Variants in XKR3 observed in about 807,000 individuals in gnomAD.
XKR3 encodes the protein XK-related protein 3.
Under a neutral mutation model 40.3 loss-of-function variants are expected in XKR3, and 27 were observed. The observed-to-expected ratio is 0.67, with a 90% CI of 0.49 to 0.92. XKR3 has a LOEUF of 0.92. XKR3 is among the 40% of genes least tolerant of loss of function. The pLI, the probability that XKR3 is intolerant of heterozygous loss-of-function variation, is 0.00. For synonymous variants in XKR3, 193 were observed against 195.4 expected, an observed-to-expected ratio of 0.99 and a Z score of 0.10; for missense variants, 472 against 537.6, an observed-to-expected ratio of 0.88 and a Z score of 1.21.
chr22:16,808,023 T>C lies in XKR3; in HGVS notation c.51A>G (p.Ser17=). The C allele has an allele frequency of 6.2e-7, 1 of 1,613,376 alleles. No individual in the cohort carries two copies. Among genetic ancestry groups the C allele is most frequent in the South Asian group, 1.1e-5 (1 of 91,016 alleles). Residue 17 remains serine, a synonymous_variant, in exon 2 of 4, where the codon TCA becomes TCG. Coordinates refer to ENST00000684488, the MANE Select transcript of XKR3 (RefSeq NM_001386955.1). ...CAAGGACTATTTCTTCTTTCGAAGA[T>C]GAAACTCCTCCTGTGCTTTCTTCAT... ...EMDEESTGGV[S]SSKEEIVLGQ... is the part of the protein sequence containing the mutation.
At chr22:16,788,422 A>G (rs1445088230) in intron 3 of XKR3, among the ~76,000 whole-genome samples, 2 of 152,130 alleles carry the variant, frequency 1.3e-5, no homozygotes, top group Non-Finnish European at 1.5e-5. Flanking sequence ...ATATAATCAG[A>G]GACAAAAAAG....
chr22:16,809,638 T>A (rs2060204656), intron 1 of XKR3, among the ~76,000 whole-genome samples: 1 of 152,208 alleles, frequency 6.6e-6, no homozygotes, highest in South Asian at 2.1e-4. Context: ...TTGCCATTGA[T>A]AATATGCTCT....
Position 16,783,576 on chromosome 22 carries a change from C to T in XKR3, c.*43G>A. On this transcript the variant is annotated 3_prime_UTR_variant, in exon 4 of 4. Transcript: ENST00000684488. ...TAAGAGCCTCTTAACAAGTCACATT[C>T]AGCATCTTTACTCATTGTTCTGTGA... The T allele has an allele frequency of 6.9e-7, 1 of 1,440,144 alleles. No individual in the cohort carries two copies. 89.2% of individuals were successfully genotyped at this position (1,440,144 alleles called of 1,614,324 possible).
chr22:16,795,264 CA>C (rs1196664144), intron 3 of XKR3, among the ~76,000 whole-genome samples: 1 of 152,084 alleles, frequency 6.6e-6, no homozygotes, highest in African/African-American at 2.4e-5. Flanking sequence ...TCTCAAAATA[CA>C]AAAATACAGG....
intron 1 of XKR3, among the ~76,000 whole-genome samples, chr22:16,822,912 C>G (rs2060262465): frequency 6.6e-6 from 1 of 152,142 alleles, no homozygotes; most frequent in African/African-American, 2.4e-5. Context: ...AAGACATGAT[C>G]TGCCCTTGTC....
At chr22:16,791,584 G>T (rs2060115971) in intron 3 of XKR3, among the ~76,000 whole-genome samples, 1 of 151,642 alleles carries the variant, frequency 6.6e-6, no homozygotes, top group Non-Finnish European at 1.5e-5. Flanking sequence ...AAATGCATTT[G>T]TTAATTCTCT....
At chr22:16,807,687 T>C in intron 2 of XKR3, 52 bp downstream of exon 2, 2 of 1,420,536 alleles carry the variant, frequency 1.4e-6, no homozygotes, top group Middle Eastern at 2.2e-4. Flanking sequence ...CATCTATTTA[T>C]ATTCAATTTA....
intron 2 of XKR3, among the ~76,000 whole-genome samples, chr22:16,803,985 C>T (rs891849892): frequency 2.0e-5 from 3 of 152,156 alleles, no homozygotes; most frequent in African/African-American, 7.2e-5. Context: ...GGGTCTGGAT[C>T]AGGACCACTT....
In XKR3 at chr22:16,794,427, TA is replaced by T. The variant is rs575401006; in HGVS notation, c.589+5343del. Among the ~76,000 whole-genome samples the T allele has an allele frequency of 4.0e-3, 587 of 146,254 alleles. 1 individual carries two copies. Among genetic ancestry groups the T allele is most frequent in the Middle Eastern group, 0.014 (4 of 282 alleles). On this transcript the variant is annotated intron_variant, in intron 3 of 3. Transcript: ENST00000684488. ...GAGACTGGTGGCCTATTTTCAACAT[TA>T]AAAAAAAAAATCCAAGAATTTTATA...
At chr22:16,815,994 T>C (rs534340707) in intron 1 of XKR3, among the ~76,000 whole-genome samples, 12 of 152,100 alleles carry the variant, frequency 7.9e-5, no homozygotes, top group African/African-American at 2.9e-4. Context: ...TTCTGTCTTA[T>C]ACAATTGTAG....
chr22:16,789,366 G>A (rs1469107964), intron 3 of XKR3, among the ~76,000 whole-genome samples: 5 of 151,734 alleles, frequency 3.3e-5, no homozygotes, highest in Admixed American at 6.6e-5. Context: ...ATACTAATAC[G>A]AAAATGTCTA....
chr22:16,787,345 G>A (rs1477300279), intron 3 of XKR3, among the ~76,000 whole-genome samples: 1 of 152,034 alleles, frequency 6.6e-6, no homozygotes, highest in Non-Finnish European at 1.5e-5. Context: ...GATCACATGT[G>A]GTCAGGAGTT....
intron 1 of XKR3, among the ~76,000 whole-genome samples, chr22:16,817,840 G>A (rs1247063540): frequency 9.2e-5 from 14 of 151,962 alleles, no homozygotes; most frequent in Non-Finnish European, 2.1e-4. Context: ...CAGAGAACTA[G>A]AAACAAGTGC....
At chr22:16,793,255 G>T (rs1407757797) in intron 3 of XKR3, among the ~76,000 whole-genome samples, 19 of 152,144 alleles carry the variant, frequency 1.2e-4, no homozygotes, top group African/African-American at 1.4e-4. Flanking sequence ...CAGGTGATCT[G>T]TCCGCCTCGG....
At position 16,783,916 on chromosome 22, in the gene XKR3, T is replaced by C. The variant is rs1220827454; in HGVS notation, c.1083A>G (p.Val361=). 3.7e-6 allele frequency: 6 copies of C among 1,614,072 alleles called. No homozygotes were observed. The highest frequency in any genetic ancestry group is 1.7e-5 in the Admixed American group (1 of 60,006). Residue 361 remains valine (V), a synonymous_variant, in exon 4 of 4, where the codon GTA becomes GTG. Coordinates refer to ENST00000684488, the MANE Select transcript of XKR3 (RefSeq NM_001386955.1). ...QFLENVIMIL[V]FRFFGGKTLL... is the part of the protein sequence containing the mutation. ...AAGTTTTCCCTCCAAAGAACCTAAA[T>C]ACCAATATCATTATCACATTTTCTA...
chr22:16,804,733 A>G (rs1191578512), intron 2 of XKR3, among the ~76,000 whole-genome samples: 2 of 152,196 alleles, frequency 1.3e-5, no homozygotes, highest in Non-Finnish European at 2.9e-5. Context: ...AAATTTACCT[A>G]TAGCCTGGAG....
At chr22:16,796,612 AG>A (rs1447922941) in intron 3 of XKR3, among the ~76,000 whole-genome samples, 2 of 152,220 alleles carry the variant, frequency 1.3e-5, no homozygotes, top group African/African-American at 4.8e-5. Flanking sequence ...AAACCAAAAC[AG>A]AAAAAGGGAT....
At chr22:16,795,301 A>G (rs2060135876) in intron 3 of XKR3, among the ~76,000 whole-genome samples, 1 of 152,244 alleles carries the variant, frequency 6.6e-6, no homozygotes, top group Non-Finnish European at 1.5e-5. Context: ...ACAACAGAAT[A>G]ACTCCCAGGT....
Position 16,820,880 on chromosome 22 carries a change from T to A in XKR3, c.-11+4411A>T, listed in dbSNP as rs150308767. 3.3e-3 allele frequency among the ~76,000 whole-genome samples: 504 copies of A among 152,304 alleles called. 1 individual carries two copies. The highest frequency in any genetic ancestry group is 0.011 in the African/African-American group (457 of 41,574). On this transcript the variant is annotated intron_variant, in intron 1 of 3. Transcript: ENST00000684488. ...TAACAGATGCTAGAAATAGGATGAC[T>A]GTTTCACGATCTCTTGTAAGTTATA... is the stretch of plus-strand genomic sequence containing the variant.
Sources: allele counts gnomAD v4.1 joint callset (sites outside exome capture counted in the v4.1 genomes callset), GRCh38; gene constraint gnomAD v4.1.1; transcripts MANE v1.5; gene names NCBI Gene and HGNC (gene_info 2026-07-23, HGNC 2026-07-21).